The following APBA2 variants were observed in gnomAD, a reference collection of about 807,000 sequenced individuals.
APBA2 encodes the protein amyloid beta precursor protein binding family A member 2, also known as amyloid-beta A4 precursor protein-binding family A member 2.
Under a neutral mutation model 75.0 loss-of-function variants are expected in APBA2, and 30 were observed. The ratio of observed to expected loss-of-function variants is 0.40; its 90% confidence interval spans 0.30 to 0.54. The LOEUF (loss-of-function observed/expected upper bound fraction) is 0.54, where lower values mean the gene tolerates loss of function less well. APBA2 is among the 20% of genes least tolerant of loss of function. The pLI is 0.49. For missense variants in APBA2, 801 were observed against 1,016.1 expected, an observed-to-expected ratio of 0.79 and a Z score of 2.88; for synonymous variants, 444 against 409.6, an observed-to-expected ratio of 1.08 and a Z score of -1.01.
rs775406200 is a variant in APBA2, at chr15:29,053,851, C to T, written c.-34C>T. The T allele has an allele frequency of 6.3e-7, 1 of 1,589,640 alleles. No individual in the cohort carries two copies. Among genetic ancestry groups the T allele is most frequent in the Non-Finnish European group, 8.6e-7 (1 of 1,163,464 alleles). On this transcript the variant is annotated 5_prime_UTR_variant, in exon 4 of 15. Coordinates refer to ENST00000683413, the MANE Select transcript of APBA2 (RefSeq NM_001353788.2). Reference sequence around the variant, plus strand: ...CCAATGTTCCTCCCCACAGTGGCTGCCTCCGGGTGATGATGGCTGTGTGAA... The same window carrying T: ...CCAATGTTCCTCCCCACAGTGGCTGTCTCCGGGTGATGATGGCTGTGTGAA...
chr15:29,040,352 G>A (rs2040970750), intron 3 of APBA2, among the ~76,000 whole-genome samples: 5 of 152,204 alleles, frequency 3.3e-5, no homozygotes, highest in Admixed American at 3.3e-4. Flanking sequence ...TATGGGCAGA[G>A]GAACCAGGAA....
chr15:28,888,877 C>G (rs1232626283), intron 1 of APBA2, among the ~76,000 whole-genome samples: 1 of 152,226 alleles, frequency 6.6e-6, no homozygotes, highest in Non-Finnish European at 1.5e-5. Context: ...AAGGTAGCCA[C>G]TGACCACCAG....
intron 3 of APBA2, among the ~76,000 whole-genome samples, chr15:29,025,509 T>G (rs1189412798): frequency 6.6e-6 from 1 of 151,918 alleles, no homozygotes; most frequent in Non-Finnish European, 1.5e-5. Flanking sequence ...CTTGACCTTG[T>G]GATCCGCCTG....
chr15:28,910,912 C>G (rs1463995761), intron 1 of APBA2, among the ~76,000 whole-genome samples: 70 of 152,230 alleles, frequency 4.6e-4, no homozygotes, highest in Non-Finnish European at 2.1e-4. Context: ...GGCCCATCGT[C>G]TTGATTTTTG....
intron 2 of APBA2, among the ~76,000 whole-genome samples, chr15:28,935,375 CG>C (rs1459595096): frequency 1.3e-5 from 2 of 152,140 alleles, no homozygotes; most frequent in Non-Finnish European, 2.9e-5. Context: ...AGGGTCCAGG[CG>C]GGTGGATTTT....
At chr15:28,936,063 CT>C (rs2034849109) in intron 2 of APBA2, among the ~76,000 whole-genome samples, 2 of 152,116 alleles carry the variant, frequency 1.3e-5, no homozygotes, top group Admixed American at 1.3e-4. Context: ...GAAAATTTTT[CT>C]TTCTCCTGAG....
chr15:28,948,155 G>A (rs1307863387), intron 2 of APBA2, among the ~76,000 whole-genome samples: 7 of 152,230 alleles, frequency 4.6e-5, no homozygotes, highest in Non-Finnish European at 1.0e-4. Flanking sequence ...GATGTTCAGA[G>A]CATCCCCACA....
chr15:29,017,315 A>G (rs1029841897), intron 3 of APBA2, among the ~76,000 whole-genome samples: 2 of 149,148 alleles, frequency 1.3e-5, no homozygotes, highest in African/African-American at 4.9e-5. Context: ...TGGAATTCCC[A>G]TCTATCTGAT....
At chr15:28,963,769 C>G (rs889307635) in intron 2 of APBA2, among the ~76,000 whole-genome samples, 2 of 152,202 alleles carry the variant, frequency 1.3e-5, no homozygotes, top group African/African-American at 2.4e-5. Flanking sequence ...ATCCTGAACA[C>G]TCTTCACTTA....
At chr15:28,910,553 TGAA>T (rs2033382144) in intron 1 of APBA2, among the ~76,000 whole-genome samples, 1 of 152,054 alleles carries the variant, frequency 6.6e-6, no homozygotes, top group African/African-American at 2.4e-5. Flanking sequence ...GAGGGGGTGG[TGAA>T]GGAGTTTTCA....
chr15:28,952,949 T>C (rs541042885), intron 2 of APBA2, among the ~76,000 whole-genome samples: 1 of 152,326 alleles, frequency 6.6e-6, no homozygotes, highest in East Asian at 1.9e-4. Context: ...TTCAGAGCCC[T>C]AGTCCATGCT....
At chr15:28,985,503 T>C (rs1164001877) in intron 2 of APBA2, among the ~76,000 whole-genome samples, 1 of 152,202 alleles carries the variant, frequency 6.6e-6, no homozygotes, top group Non-Finnish European at 1.5e-5. Context: ...GGGATGTGTG[T>C]ATTAGGTGTT....
intron 3 of APBA2, among the ~76,000 whole-genome samples, chr15:29,028,945 C>A (rs1246962491): frequency 6.6e-6 from 1 of 152,102 alleles, no homozygotes; most frequent in Non-Finnish European, 1.5e-5. Context: ...AATTTTCTCC[C>A]ACTCTGTGGG....
At chr15:28,935,789 A>G (rs796267017) in intron 2 of APBA2, among the ~76,000 whole-genome samples, 11 of 152,300 alleles carry the variant, frequency 7.2e-5, no homozygotes, top group African/African-American at 2.6e-4. Context: ...TGGGTCCCCT[A>G]ATTGTCCAAG....
At chr15:29,017,271 C>G (rs564244063) in intron 3 of APBA2, among the ~76,000 whole-genome samples, 19 of 152,086 alleles carry the variant, frequency 1.2e-4, no homozygotes, top group Non-Finnish European at 2.6e-4. Flanking sequence ...ATTTTAATTT[C>G]TCCATTTTCT....
rs1008336576 is a variant in APBA2, at chr15:29,047,622, A to T, written c.-40-6223A>T. Reference sequence around the variant, plus strand: ...GTAAAGTGAAAGCATTTTCATTGCAATGAGGAATAAGTCAAGGGTGCCTGT... The same window carrying T: ...GTAAAGTGAAAGCATTTTCATTGCATTGAGGAATAAGTCAAGGGTGCCTGT... On this transcript the variant is annotated intron_variant, in intron 3 of 14. Coordinates refer to ENST00000683413, the MANE Select transcript of APBA2 (RefSeq NM_001353788.2). 5.3e-5 allele frequency among the ~76,000 whole-genome samples: 8 copies of T among 152,132 alleles called. No homozygotes were observed. The East Asian group carries it at 1.5e-3, about 29-fold the overall frequency.
intron 3 of APBA2, among the ~76,000 whole-genome samples, chr15:28,997,987 A>C (rs1387395261): frequency 6.6e-6 from 1 of 152,200 alleles, no homozygotes; most frequent in Admixed American, 6.5e-5. Context: ...GGATATTTTT[A>C]AATGCCAATT....
Position 29,113,986 on chromosome 15 carries a change from A to G in APBA2, c.2148A>G (p.Ile716Met). ...QSVVATAHEK[I>M]VQALSNSVGE... ...TGGTGGCCACAGCCCACGAGAAGATAGTCCAAGCTCTGTCCAACTCGGTCG... is the reference window on the plus strand; with the variant it reads ...TGGTGGCCACAGCCCACGAGAAGATGGTCCAAGCTCTGTCCAACTCGGTCG... The change falls in exon 14 of 15, where the codon ATA becomes ATG. Residue 716 changes from isoleucine to methionine, a missense_variant. Transcript: ENST00000683413. 1 of 1,613,832 alleles carries G rather than the reference A, an allele frequency of 6.2e-7. No individual in the cohort carries two copies. Among genetic ancestry groups the G allele is most frequent in the Non-Finnish European group, 8.5e-7 (1 of 1,180,026 alleles).
intron 13 of APBA2, among the ~76,000 whole-genome samples, chr15:29,113,489 C>T (rs2044858794): frequency 6.6e-6 from 1 of 152,150 alleles, no homozygotes; most frequent in African/African-American, 2.4e-5. Flanking sequence ...TCTCCTTTCC[C>T]GCCCGCCCAT....
Sources: gnomAD v4.1 joint callset for allele counts (sites outside exome capture counted in the v4.1 genomes callset) on GRCh38, gnomAD v4.1.1 for gene constraint, MANE v1.5 for transcripts, NCBI Gene and HGNC (gene_info 2026-07-23, HGNC 2026-07-21) for gene names.